WDR31: variants seen among roughly 807,000 people sequenced by gnomAD.
WDR31 encodes the protein WD repeat domain 31.
Under a neutral mutation model 47.3 loss-of-function variants are expected in WDR31, and 30 were observed. The ratio of observed to expected loss-of-function variants is 0.63; its 90% CI spans 0.47 to 0.86. The LOEUF (loss-of-function observed/expected upper bound fraction) is 0.86, where lower values mean the gene tolerates loss of function less well. Ranked by LOEUF, WDR31 falls within the 40% of genes least tolerant of loss-of-function variation. The pLI is 0.00. For missense variants in WDR31, 406 were observed against 442.9 expected (o/e 0.92, Z 0.75); for synonymous variants, 137 against 159.4 (o/e 0.86, Z 1.06).
At position 113,313,531 on chromosome 9, in the gene WDR31, A is replaced by G. The variant is rs930109020; in HGVS notation, c.*3218T>C. On this transcript the variant is annotated 3_prime_UTR_variant, in exon 11 of 11. Coordinates refer to ENST00000374193, the MANE Select transcript of WDR31 (RefSeq NM_001012361.4). ...AATAACTGGTCTTGAAGATACAAAC[A>G]ATGTCATGGTCTATGACTTTGTGAC... 2 of 152,168 alleles carry G rather than the reference A, an allele frequency of 1.3e-5. No homozygotes were observed. The highest frequency in any genetic ancestry group is 2.9e-5 in the Non-Finnish European group (2 of 68,032). The allele number at this position is 152,168 out of a possible 1,614,324, so 9.4% of individuals were successfully genotyped here. A position where few individuals can be genotyped will look rare whatever the true frequency, so the allele number is the denominator to read the frequency against.
In WDR31 at chr9:113,316,634, C is replaced by T; in HGVS notation, c.*115G>A. 7.7e-7 allele frequency: 1 copy of T among 1,306,448 alleles called. No individual in the cohort carries two copies. Among genetic ancestry groups the T allele is most frequent in the Non-Finnish European group, 1.0e-6 (1 of 961,088 alleles). 80.9% of individuals were successfully genotyped at this position (1,306,448 alleles called of 1,614,324 possible). A position where few individuals can be genotyped will look rare whatever the true frequency, so the allele number is the denominator to read the frequency against. On this transcript the variant is annotated 3_prime_UTR_variant, in exon 11 of 11. Transcript: ENST00000374193. ...ACACTGATACATCTTGTAAATGAACCTAAGCAAAGAATACCAGCCCTACAT... is the reference window on the plus strand; with the variant it reads ...ACACTGATACATCTTGTAAATGAACTTAAGCAAAGAATACCAGCCCTACAT...
rs201068257 is a variant in WDR31 at position 113,318,456 on chromosome 9, C to T, written c.943+19G>A. 20 of 1,613,948 alleles carry T rather than the reference C, an allele frequency of 1.2e-5. No individual in the cohort carries two copies. Among genetic ancestry groups the T allele is most frequent in the Non-Finnish European group, 1.6e-5 (19 of 1,179,976 alleles). On this transcript the variant is annotated intron_variant, in intron 10 of 10. Transcript: ENST00000374193. ...GACTTCATGTATCTTTTGAGGAGAA[C>T]TAACAGCAGGCTGCTTACCTCCAGT...
chr9:113,340,183 T>C (rs10481674), intron 1 of WDR31, 34 bp downstream of exon 1: 34,091 of 152,294 alleles, frequency 0.22, 5,256 homozygotes, highest in African/African-American at 0.43. Flanking sequence ...TCTGCCGCTA[T>C]GCCCCTTTCT....
At chr9:113,320,269 G>A (rs1012562434) in intron 9 of WDR31, 88 bp downstream of exon 9, 68 of 1,513,098 alleles carry the variant, frequency 4.5e-5, no homozygotes, top group Admixed American at 1.2e-4. Flanking sequence ...AGCAAAGCCC[G>A]CCTGTGTAGC....
At chr9:113,331,435 C>T (rs979075659) in intron 3 of WDR31, among the ~76,000 whole-genome samples, 7 of 152,146 alleles carry the variant, frequency 4.6e-5, no homozygotes, top group African/African-American at 1.4e-4. Flanking sequence ...GGTGCAGACA[C>T]TAGCTAATAA....
chr9:113,331,818 C>T, intron 3 of WDR31, 89 bp downstream of exon 3: 1 of 1,225,278 alleles, frequency 8.2e-7, no homozygotes, highest in Non-Finnish European at 1.2e-6. Flanking sequence ...GGAAGGCCAT[C>T]AACATTCGCC....
intron 9 of WDR31, 60 bp from the exon 10 acceptor site, chr9:113,318,697 C>A: frequency 1.9e-6 from 3 of 1,569,926 alleles, no homozygotes; most frequent in Admixed American, 3.4e-5. Context: ...CCATGAATAT[C>A]TATCTCCCCC....
chr9:113,320,327 C>G (rs1444214422), intron 9 of WDR31, 30 bp downstream of exon 9: 3 of 1,611,246 alleles, frequency 1.9e-6, no homozygotes, highest in Middle Eastern at 1.7e-4. Context: ...CATCAGCAAC[C>G]AGATACCTGG....
At chr9:113,336,550 C>G (rs1050980927) in intron 1 of WDR31, 110 bp from the exon 2 acceptor site, 1 of 152,200 alleles carries the variant, frequency 6.6e-6, no homozygotes, top group Non-Finnish European at 1.5e-5. Flanking sequence ...AAGATTATCT[C>G]TCTCACATTT....
intron 3 of WDR31, 44 bp downstream of exon 3, chr9:113,331,863 T>TG (rs762961610): frequency 6.3e-7 from 1 of 1,575,548 alleles, no homozygotes; most frequent in Non-Finnish European, 8.7e-7. Flanking sequence ...AGAGTTTTAA[T>TG]GGGGCATGAT....
Position 113,316,688 on chromosome 9 carries a change from A to T in WDR31, c.*61T>A. On this transcript the variant is annotated 3_prime_UTR_variant, in exon 11 of 11. Transcript: ENST00000374193. ...ACTCCCCTCAAGATAACTGGGAAAGACACAAAGCCATGCTGAGGAGGAGCC... is the reference window on the plus strand; with the variant it reads ...ACTCCCCTCAAGATAACTGGGAAAGTCACAAAGCCATGCTGAGGAGGAGCC... 6.4e-7 allele frequency: 1 copy of T among 1,557,756 alleles called. No homozygotes were observed. Among genetic ancestry groups the T allele is most frequent in the East Asian group, 2.3e-5 (1 of 44,426 alleles).
chr9:113,323,672 G>A (rs1345739981), intron 5 of WDR31, among the ~76,000 whole-genome samples: 2 of 152,190 alleles, frequency 1.3e-5, no homozygotes, highest in Non-Finnish European at 1.5e-5. Flanking sequence ...TTTCCTTTAT[G>A]TAGCAGATTT....
intron 8 of WDR31, among the ~76,000 whole-genome samples, chr9:113,321,018 A>G (rs1833315120): frequency 6.6e-6 from 1 of 152,146 alleles, no homozygotes; most frequent in African/African-American, 2.4e-5. Context: ...TCTAAGGAGA[A>G]TCTCTTCTGA....
intron 2 of WDR31, 101 bp downstream of exon 2, chr9:113,336,187 C>A (rs1029410635): frequency 1.3e-5 from 2 of 152,208 alleles, no homozygotes; most frequent in African/African-American, 2.4e-5. Context: ...AATGGATTAG[C>A]TCTGCTCAAA....
In WDR31 at chr9:113,316,649, C is replaced by T; in HGVS notation, c.*100G>A. 1 of 1,400,772 alleles carries T rather than the reference C, an allele frequency of 7.1e-7. No individual in the cohort carries two copies. Among genetic ancestry groups the T allele is most frequent in the Non-Finnish European group, 9.6e-7 (1 of 1,040,870 alleles). The allele number at this position is 1,400,772 out of a possible 1,614,324, so 86.8% of individuals were successfully genotyped here. ...GTAAATGAACCTAAGCAAAGAATAC[C>T]AGCCCTACATCCCACTCCCCTCAAG... On this transcript the variant is annotated 3_prime_UTR_variant, in exon 11 of 11. Coordinates refer to ENST00000374193, the MANE Select transcript of WDR31 (RefSeq NM_001012361.4).
chr9:113,338,391 G>A (rs1164620138), intron 1 of WDR31, among the ~76,000 whole-genome samples: 2 of 152,122 alleles, frequency 1.3e-5, no homozygotes, highest in Non-Finnish European at 2.9e-5. Context: ...TTATATCTAC[G>A]TTGTTGTAAT....
intron 4 of WDR31, 141 bp from the exon 5 acceptor site, chr9:113,329,096 C>G: frequency 2.8e-6 from 2 of 720,368 alleles, no homozygotes; most frequent in Non-Finnish European, 4.7e-6. Flanking sequence ...TCGGGGTTCC[C>G]TGTTGTGGCC....
At chr9:113,332,078 T>C in intron 2 of WDR31, 28 bp from the exon 3 acceptor site, 1 of 1,447,348 alleles carries the variant, frequency 6.9e-7, no homozygotes, top group South Asian at 1.2e-5. Context: ...GAATACATGT[T>C]GTTAATTTTG....
At position 113,316,923 on chromosome 9, in the gene WDR31, G is replaced by C. The variant is rs371850096; in HGVS notation, c.944-14C>G. Reference sequence around the variant, plus strand: ...TGAAAAGGCAGGCTGGGGGGGAAAGGGGGACCAGCAGATTAGGCCAAGAGT... The same window carrying C: ...TGAAAAGGCAGGCTGGGGGGGAAAGCGGGACCAGCAGATTAGGCCAAGAGT... On this transcript the variant is annotated splice_polypyrimidine_tract_variant and intron_variant, in intron 10 of 10. Transcript: ENST00000374193. 6.8e-6 allele frequency: 11 copies of C among 1,612,412 alleles called. No individual in the cohort carries two copies. Among genetic ancestry groups the C allele is most frequent in the Admixed American group, 6.7e-5 (4 of 59,660 alleles).
Sources: gnomAD v4.1 joint callset for allele counts (sites outside exome capture counted in the v4.1 genomes callset) on GRCh38, gnomAD v4.1.1 for gene constraint, MANE v1.5 for transcripts, NCBI Gene and HGNC (gene_info 2026-07-23, HGNC 2026-07-21) for gene names.